NBAS: variants seen among roughly 807,000 people sequenced by gnomAD.
The protein encoded by NBAS is NAG/BC035112 fusion.
Under a neutral mutation model 302.5 loss-of-function variants are expected in NBAS, and 219 were observed. That is an observed-to-expected ratio of 0.72 (90% CI 0.65 to 0.81). NBAS has a LOEUF of 0.81. NBAS is among the 30% of genes least tolerant of loss of function. The pLI is 0.00. For synonymous variants in NBAS, 1,118 were observed against 1,021.6 expected (o/e 1.09, Z -1.80); for missense variants, 2,932 against 2,841.6 (o/e 1.03, Z -0.72).
chr2:15,067,537 G>A, the NBAS span, among the ~76,000 whole-genome samples: 1 of 151,686 alleles, frequency 6.6e-6, no homozygotes, highest in South Asian at 2.1e-4. Context: ...CCACAACATG[G>A]ATGAGCCTGA....
intron 41 of NBAS, among the ~76,000 whole-genome samples, chr2:15,290,365 T>C (rs1670254113): frequency 6.6e-6 from 1 of 152,172 alleles, no homozygotes; most frequent in Non-Finnish European, 1.5e-5. Flanking sequence ...AAGTAACAGA[T>C]TGTACAGAAG....
At chr2:15,320,071 T>C (rs766762506) in intron 38 of NBAS, among the ~76,000 whole-genome samples, 15 of 152,182 alleles carry the variant, frequency 9.9e-5, no homozygotes, top group Non-Finnish European at 1.3e-4. Flanking sequence ...GCTTCATCCC[T>C]GGCATGCAAG....
intron 20 of NBAS, 151 bp from the exon 21 acceptor site, chr2:15,461,488 T>C: frequency 1.1e-6 from 1 of 879,036 alleles, no homozygotes; most frequent in South Asian, 1.5e-5. Context: ...TATATCCTGT[T>C]TCTCAATCTA....
intron 44 of NBAS, among the ~76,000 whole-genome samples, chr2:15,245,701 A>G (rs1467407142): frequency 6.6e-6 from 1 of 152,108 alleles, no homozygotes; most frequent in East Asian, 1.9e-4. Flanking sequence ...AGAGAACAGT[A>G]AAAGTGCATT....
chr2:15,260,966 T>C (rs1245437977), intron 44 of NBAS, among the ~76,000 whole-genome samples: 3 of 152,244 alleles, frequency 2.0e-5, no homozygotes, highest in Admixed American at 6.5e-5. Context: ...TCTTTAATGC[T>C]GACCACAATG....
At chr2:15,115,540 T>C in the NBAS span, among the ~76,000 whole-genome samples, 1 of 152,290 alleles carries the variant, frequency 6.6e-6, no homozygotes, top group Admixed American at 6.5e-5. Context: ...CTCACTCTGT[T>C]GCCTCAGCTG....
the NBAS span, among the ~76,000 whole-genome samples, chr2:14,808,537 T>C: frequency 4.1e-3 from 618 of 152,312 alleles, 5 homozygotes; most frequent in African/African-American, 0.014. Flanking sequence ...ACAAGCTCTC[T>C]TTGCCTACTG....
chr2:15,506,046 CAATGAAAA>C (rs1161525095), intron 10 of NBAS, among the ~76,000 whole-genome samples: 1 of 149,742 alleles, frequency 6.7e-6, no homozygotes, highest in African/African-American at 2.5e-5. Flanking sequence ...GACATGAAAA[CAATGAAAA>C]AATGAAAATG....
the NBAS span, among the ~76,000 whole-genome samples, chr2:14,822,467 T>C: frequency 6.6e-6 from 1 of 152,166 alleles, no homozygotes; most frequent in Non-Finnish European, 1.5e-5. Context: ...TAGTATGGAA[T>C]TTCACCCTAG....
At chr2:15,200,475 T>C (rs893716530) in intron 48 of NBAS, among the ~76,000 whole-genome samples, 24 of 152,142 alleles carry the variant, frequency 1.6e-4, no homozygotes, top group Non-Finnish European at 2.6e-4. Context: ...GAAAGTAACA[T>C]ATACCTCTTT....
intron 23 of NBAS, 68 bp from the exon 24 acceptor site, chr2:15,417,780 C>G (rs1677021045): frequency 7.0e-7 from 1 of 1,433,628 alleles, no homozygotes; most frequent in East Asian, 2.4e-5. Flanking sequence ...AAGTAAAAGT[C>G]TCCAGTACAG....
chr2:15,159,390 C>G, the NBAS span, among the ~76,000 whole-genome samples: 1 of 152,286 alleles, frequency 6.6e-6, no homozygotes, highest in Non-Finnish European at 1.5e-5. Context: ...GACTACTGCT[C>G]AAAAACTGCA....
At chr2:15,505,273 C>G (rs370493144) in intron 10 of NBAS, among the ~76,000 whole-genome samples, 1 of 152,064 alleles carries the variant, frequency 6.6e-6, no homozygotes, top group Non-Finnish European at 1.5e-5. Context: ...TGGCTAAGGT[C>G]CATCTAAAAC....
At chr2:14,902,305 C>T in the NBAS span, among the ~76,000 whole-genome samples, 1 of 152,034 alleles carries the variant, frequency 6.6e-6, no homozygotes, top group African/African-American at 2.4e-5. Flanking sequence ...CTAATTTTTG[C>T]ATTTTTAGTA....
intron 21 of NBAS, among the ~76,000 whole-genome samples, chr2:15,437,236 C>G (rs528307159): frequency 6.6e-6 from 1 of 152,164 alleles, no homozygotes; most frequent in East Asian, 1.9e-4. Flanking sequence ...GGAGTTCCAG[C>G]TACTGGGGAG....
the NBAS span, among the ~76,000 whole-genome samples, chr2:14,815,961 C>T: frequency 0.57 from 86,560 of 152,024 alleles, 27,070 homozygotes; most frequent in African/African-American, 0.85. Context: ...CCCAATCTAG[C>T]CCCCCTTTTT....
At chr2:15,523,897 GA>G (rs1466116492) in intron 9 of NBAS, among the ~76,000 whole-genome samples, 1 of 152,182 alleles carries the variant, frequency 6.6e-6, no homozygotes, top group Non-Finnish European at 1.5e-5. Context: ...CTGGGGAACA[GA>G]GTGAGATTCT....
chr2:15,416,700 G>C (rs972088572), intron 24 of NBAS, among the ~76,000 whole-genome samples: 1 of 151,834 alleles, frequency 6.6e-6, no homozygotes, highest in African/African-American at 2.4e-5. Context: ...CAGCTACTCG[G>C]GAGGCTGAGG....
At chr2:15,284,551 G>A (rs1178776448) in intron 42 of NBAS, among the ~76,000 whole-genome samples, 2 of 152,124 alleles carry the variant, frequency 1.3e-5, no homozygotes, top group East Asian at 3.9e-4. Flanking sequence ...CAGGATGAAG[G>A]GGAATGTACA....
Sources: gnomAD v4.1 joint callset for allele counts (sites outside exome capture counted in the v4.1 genomes callset) on GRCh38, gnomAD v4.1.1 for gene constraint, MANE v1.5 for transcripts, NCBI Gene and HGNC (gene_info 2026-07-23, HGNC 2026-07-21) for gene names.